TMEM62: variants seen among roughly 807,000 people sequenced by gnomAD.
TMEM62 encodes the protein transmembrane protein 62.
A neutral mutation model predicts 70.4 loss-of-function variants in TMEM62; 41 were observed. The observed-to-expected ratio is 0.58, with a 90% CI of 0.45 to 0.76. TMEM62 has a LOEUF of 0.76. Ranked by LOEUF, TMEM62 falls within the 30% of genes least tolerant of loss-of-function variation. The pLI, the probability that TMEM62 is intolerant of heterozygous loss-of-function variation, is 0.00. For missense variants in TMEM62, 688 were observed against 788.5 expected, an observed-to-expected ratio of 0.87 and a Z score of 1.53; for synonymous variants, 268 against 291.0, an observed-to-expected ratio of 0.92 and a Z score of 0.80.
intron 8 of TMEM62, among the ~76,000 whole-genome samples, chr15:43,152,630 A>T (rs1156983361): frequency 6.6e-6 from 1 of 152,092 alleles, no homozygotes; most frequent in South Asian, 2.1e-4. Flanking sequence ...CCTGACCTCA[A>T]GGGATCCGCC....
chr15:43,178,548 T>C, intron 11 of TMEM62, 59 bp from the exon 12 acceptor site: 1 of 1,080,650 alleles, frequency 9.3e-7, no homozygotes, highest in Non-Finnish European at 1.4e-6. Flanking sequence ...CTAGAAAATG[T>C]CATAAAGAAA....
chr15:43,181,324 A>C (rs1186228062), intron 13 of TMEM62, 25 bp downstream of exon 13: 2 of 1,483,446 alleles, frequency 1.3e-6, no homozygotes, highest in African/African-American at 1.4e-5. Flanking sequence ...AAGCAATTTA[A>C]GAACATCTTG....
Position 43,184,682 on chromosome 15 carries a change from G to A in TMEM62, c.*96G>A. On this transcript the variant is annotated 3_prime_UTR_variant, in exon 14 of 14. Transcript: ENST00000260403. ...AGTAGCAGGTGGAGGGCCAGGATTG[G>A]TGGGTGAGCTTTAGGGAGCAGCTGC... The A allele has an allele frequency of 2.6e-6, 3 of 1,154,290 alleles. No homozygotes were observed. The highest frequency in any genetic ancestry group is 4.8e-5 in the East Asian group (2 of 41,834). 71.5% of individuals were successfully genotyped at this position (1,154,290 alleles called of 1,614,324 possible). A position where few individuals can be genotyped will look rare whatever the true frequency, so the allele number is the denominator to read the frequency against.
Position 43,154,792 on chromosome 15 carries a change from C to G in TMEM62, c.1143C>G (p.Asn381Lys). Reference sequence around the variant, plus strand: ...TCGTACTGAAGTGGAATCCTAGAAACTACAGTAGTGGGACACATAACATAG... The same window carrying G: ...TCGTACTGAAGTGGAATCCTAGAAAGTACAGTAGTGGGACACATAACATAG... ...PIFVLKWNPRNYSSGTHNIEV... is the reference protein window; with the variant it reads ...PIFVLKWNPRKYSSGTHNIEV... The change falls in exon 9 of 14, where the codon AAC (asparagine) becomes AAG (lysine). Residue 381 changes from asparagine (N) to lysine (K), a missense_variant. Asn to Lys is a moderately conservative substitution (Grantham distance 94). Transcript: ENST00000260403. 6.2e-7 allele frequency: 1 copy of G among 1,613,636 alleles called. No individual in the cohort carries two copies. Among genetic ancestry groups the G allele is most frequent in the Non-Finnish European group, 8.5e-7 (1 of 1,179,806 alleles).
intron 11 of TMEM62, among the ~76,000 whole-genome samples, chr15:43,171,247 A>T (rs1443128393): frequency 6.6e-6 from 1 of 152,092 alleles, no homozygotes; most frequent in East Asian, 1.9e-4. Flanking sequence ...GAGGCATGAG[A>T]ATTGCTTGAA....
intron 11 of TMEM62, among the ~76,000 whole-genome samples, chr15:43,177,904 G>A (rs1200897371): frequency 1.3e-5 from 2 of 151,626 alleles, no homozygotes; most frequent in Non-Finnish European, 2.9e-5. Flanking sequence ...GCTAAATGAC[G>A]AGTTAATGGG....
chr15:43,156,015 G>A (rs997793040), intron 9 of TMEM62, among the ~76,000 whole-genome samples: 1 of 151,618 alleles, frequency 6.6e-6, no homozygotes, highest in Non-Finnish European at 1.5e-5. Flanking sequence ...GATAAGCTGT[G>A]CTCAGAAATT....
chr15:43,183,764 G>A (rs529994609), intron 13 of TMEM62, among the ~76,000 whole-genome samples: 1 of 152,062 alleles, frequency 6.6e-6, no homozygotes, highest in African/African-American at 2.4e-5. Flanking sequence ...TACATAATGG[G>A]TGCTCAATAA....
In TMEM62 at chr15:43,133,672, C is replaced by T; in HGVS notation, c.-131C>T. On this transcript the variant is annotated 5_prime_UTR_variant, in exon 1 of 14. Coordinates refer to ENST00000260403, the MANE Select transcript of TMEM62 (RefSeq NM_024956.4). The stretch of plus-strand genomic sequence containing the variant: ...CCAGTGTCTGGCTCCAGCCCCGCAT[C>T]CGGCGCCGGCCCCGCATCCAGCTCT... 1.6e-6 allele frequency: 1 copy of T among 634,094 alleles called. No individual in the cohort carries two copies. The highest frequency in any genetic ancestry group is 2.3e-6 in the Non-Finnish European group (1 of 441,756). 39.3% of individuals were successfully genotyped at this position (634,094 alleles called of 1,614,324 possible).
chr15:43,174,542 G>A (rs1236840930), intron 11 of TMEM62, among the ~76,000 whole-genome samples: 3 of 152,114 alleles, frequency 2.0e-5, no homozygotes, highest in African/African-American at 4.8e-5. Context: ...TTTTTATATA[G>A]TTATTTAAAT....
At chr15:43,159,651 G>T (rs1215670122) in intron 9 of TMEM62, among the ~76,000 whole-genome samples, 1 of 152,070 alleles carries the variant, frequency 6.6e-6, no homozygotes, top group Non-Finnish European at 1.5e-5. Context: ...TCTGTTGATG[G>T]ACACTTAGGT....
chr15:43,151,319 G>GAAA (rs896405823), intron 7 of TMEM62, among the ~76,000 whole-genome samples: 1 of 53,408 alleles, frequency 1.9e-5, no homozygotes. Context: ...TCAAAAATAA[G>GAAA]AAAAAAAAAA....
chr15:43,135,845 A>G (rs566973435), intron 3 of TMEM62, 196 bp downstream of exon 3: 58 of 518,840 alleles, frequency 1.1e-4, no homozygotes, highest in African/African-American at 1.0e-3. Context: ...GACAATTGGT[A>G]TGGTCCTTTT....
intron 11 of TMEM62, among the ~76,000 whole-genome samples, chr15:43,173,662 A>G (rs1364849194): frequency 6.6e-6 from 1 of 151,910 alleles, no homozygotes; most frequent in Non-Finnish European, 1.5e-5. Flanking sequence ...TGTAAGGCTT[A>G]CCTGAAGACC....
intron 7 of TMEM62, among the ~76,000 whole-genome samples, chr15:43,150,381 A>T (rs2037215783): frequency 6.6e-6 from 1 of 152,168 alleles, no homozygotes; most frequent in African/African-American, 2.4e-5. Flanking sequence ...ACAAGTTGTG[A>T]TGTTAATTAT....
At chr15:43,155,193 G>A (rs1490422659) in intron 9 of TMEM62, among the ~76,000 whole-genome samples, 1 of 152,166 alleles carries the variant, frequency 6.6e-6, no homozygotes, top group Non-Finnish European at 1.5e-5. Flanking sequence ...TTGCACCACT[G>A]CACTCCAGCC....
At chr15:43,148,954 T>G in intron 6 of TMEM62, 75 bp downstream of exon 6, 1 of 1,602,532 alleles carries the variant, frequency 6.2e-7, no homozygotes, top group South Asian at 1.1e-5. Flanking sequence ...TCTGCTTTTC[T>G]GGCAAGACAT....
intron 9 of TMEM62, among the ~76,000 whole-genome samples, chr15:43,157,959 CT>C (rs1400244809): frequency 2.0e-5 from 3 of 152,180 alleles, no homozygotes; most frequent in Non-Finnish European, 2.9e-5. Context: ...TCTTTCATCT[CT>C]TTTACTGTAC....
At chr15:43,181,507 C>G (rs1160809548) in intron 13 of TMEM62, among the ~76,000 whole-genome samples, 1 of 152,160 alleles carries the variant, frequency 6.6e-6, no homozygotes, top group African/African-American at 2.4e-5. Flanking sequence ...ATCTAAAATA[C>G]ATTTTTTTTT....
Sources: allele counts gnomAD v4.1 joint callset (sites outside exome capture counted in the v4.1 genomes callset), GRCh38; gene constraint gnomAD v4.1.1; transcripts MANE v1.5; gene names NCBI Gene and HGNC (gene_info 2026-07-23, HGNC 2026-07-21).